Variants in LRMDA observed in about 807,000 individuals in gnomAD.
The protein encoded by LRMDA is leucine-rich melanocyte differentiation-associated protein.
LRMDA carries 18 observed loss-of-function variants against 29.8 expected under a neutral mutation model. That is an observed-to-expected ratio of 0.60 (90% confidence interval 0.42 to 0.90). LRMDA has a LOEUF of 0.90. LRMDA is among the 40% of genes least tolerant of loss of function. The pLI is 0.00. For synonymous variants in LRMDA, 125 were observed against 109.4 expected (o/e 1.14, Z -0.89); for missense variants, 273 against 273.9 (o/e 1.00, Z 0.02).
At chr10:76,507,601 T>C (rs1842971783) in intron 6 of LRMDA, among the ~76,000 whole-genome samples, 1 of 152,152 alleles carries the variant, frequency 6.6e-6, no homozygotes, top group Non-Finnish European at 1.5e-5. Context: ...TTCCTCATTG[T>C]TTTCCCCTAG....
At chr10:75,984,339 G>T (rs536955878) in intron 2 of LRMDA, among the ~76,000 whole-genome samples, 2 of 152,290 alleles carry the variant, frequency 1.3e-5, no homozygotes, top group Admixed American at 1.3e-4. Flanking sequence ...TCAGGCCTAC[G>T]CAGAGCTTCC....
intron 2 of LRMDA, among the ~76,000 whole-genome samples, chr10:75,912,498 C>T (rs1845858745): frequency 6.6e-6 from 1 of 152,144 alleles, no homozygotes; most frequent in African/African-American, 2.4e-5. Flanking sequence ...AAGGGCATTC[C>T]AGGCTGAGAG....
intron 5 of LRMDA, among the ~76,000 whole-genome samples, chr10:76,231,103 T>C (rs1852050360): frequency 6.6e-6 from 1 of 151,640 alleles, no homozygotes; most frequent in Non-Finnish European, 1.5e-5. Flanking sequence ...GGCATGCAAA[T>C]TGAAGTGCTT....
At chr10:76,549,931 A>T (rs1344597093) in intron 6 of LRMDA, among the ~76,000 whole-genome samples, 1 of 152,242 alleles carries the variant, frequency 6.6e-6, no homozygotes, top group East Asian at 1.9e-4. Flanking sequence ...GTTTAAGAGC[A>T]GACTCAAGTC....
chr10:75,901,929 T>G (rs1845680638), intron 2 of LRMDA, among the ~76,000 whole-genome samples: 2 of 152,192 alleles, frequency 1.3e-5, no homozygotes, highest in African/African-American at 4.8e-5. Flanking sequence ...TAATTGTGTT[T>G]TCTCATACTG....
intron 5 of LRMDA, among the ~76,000 whole-genome samples, chr10:76,220,739 G>C (rs1021478665): frequency 2.0e-4 from 31 of 152,158 alleles, no homozygotes; most frequent in Non-Finnish European, 2.6e-4. Context: ...CCAATCAATA[G>C]AAAAAGAGGG....
At chr10:75,450,584 G>GA (rs571729995) in intron 2 of LRMDA, 22 of 152,340 alleles carry the variant, frequency 1.4e-4, no homozygotes, top group African/African-American at 4.8e-4. Flanking sequence ...CCTGCAGCTG[G>GA]AGAAGTGTTT....
chr10:75,597,597 A>G lies in LRMDA; in HGVS notation c.131+159103A>G, dbSNP rs1021343842. ...TGGCGTAGCAGGTGGTGTGACTTTC[A>G]TATCAGTCTAAAATGAAACTGTGGG... is the stretch of plus-strand genomic sequence containing the variant. On this transcript the variant is annotated intron_variant, in intron 2 of 6. Coordinates refer to ENST00000611255, the MANE Select transcript of LRMDA (RefSeq NM_001305581.2). Among the ~76,000 whole-genome samples the G allele has an allele frequency of 3.9e-5, 6 of 152,206 alleles. No homozygotes were observed. The East Asian group carries it at 9.6e-4, about 24-fold the overall frequency.
At chr10:75,655,390 C>A (rs1841655469) in intron 2 of LRMDA, among the ~76,000 whole-genome samples, 1 of 152,260 alleles carries the variant, frequency 6.6e-6, no homozygotes, top group Admixed American at 6.5e-5. Flanking sequence ...TGGAGGTTGA[C>A]CATCCTGTTG....
chr10:75,689,701 C>A (rs1302120093), intron 2 of LRMDA, among the ~76,000 whole-genome samples: 1 of 152,282 alleles, frequency 6.6e-6, no homozygotes, highest in South Asian at 2.1e-4. Context: ...TTGCTGGGGC[C>A]CTTTCTGAAA....
chr10:76,026,476 A>G (rs971267545), intron 2 of LRMDA, among the ~76,000 whole-genome samples: 1 of 152,222 alleles, frequency 6.6e-6, no homozygotes, highest in African/African-American at 2.4e-5. Context: ...CTATGAGTCT[A>G]TAAGAAGACT....
At chr10:75,868,761 C>T (rs1028228505) in intron 2 of LRMDA, among the ~76,000 whole-genome samples, 3 of 152,086 alleles carry the variant, frequency 2.0e-5, no homozygotes, top group African/African-American at 7.2e-5. Context: ...TCCCACTGCT[C>T]AGAAAGCCCC....
At chr10:76,313,306 T>G (rs1308303034) in intron 5 of LRMDA, among the ~76,000 whole-genome samples, 1 of 152,214 alleles carries the variant, frequency 6.6e-6, no homozygotes. Context: ...AAGTAAGTAC[T>G]AATTAAAAAT....
intron 2 of LRMDA, among the ~76,000 whole-genome samples, chr10:75,778,683 T>C (rs1429482393): frequency 6.6e-6 from 1 of 152,170 alleles, no homozygotes; most frequent in African/African-American, 2.4e-5. Flanking sequence ...TGAACTCTCA[T>C]GAAATATTTA....
Position 76,204,795 on chromosome 10 carries a change from C to T in LRMDA, c.517-119606C>T, listed in dbSNP as rs554643446. Among the ~76,000 whole-genome samples the T allele has an allele frequency of 1.1e-4, 17 of 152,252 alleles. No homozygotes were observed. The South Asian group carries it at 2.3e-3, about 20-fold the overall frequency. On this transcript the variant is annotated intron_variant, in intron 5 of 6. Coordinates refer to ENST00000611255, the MANE Select transcript of LRMDA (RefSeq NM_001305581.2). ...GAAAGAAATAGGGTTATTTCCTTTCCGGAAGAATGTTATTTGAGCTGCCAT... is the reference window on the plus strand; with the variant it reads ...GAAAGAAATAGGGTTATTTCCTTTCTGGAAGAATGTTATTTGAGCTGCCAT...
At chr10:76,009,714 C>T (rs12784139) in intron 2 of LRMDA, among the ~76,000 whole-genome samples, 49,646 of 152,070 alleles carry the variant, frequency 0.33, 9,495 homozygotes, top group Non-Finnish European at 0.43. Flanking sequence ...AGACTGGTTG[C>T]TATCCAGGTT....
At chr10:76,477,182 T>C (rs981278930) in intron 6 of LRMDA, among the ~76,000 whole-genome samples, 5 of 152,086 alleles carry the variant, frequency 3.3e-5, no homozygotes, top group South Asian at 2.1e-4. Context: ...CTCCTTAAGC[T>C]GATAAGCAAC....
chr10:76,080,985 G>A (rs945768187), intron 5 of LRMDA, among the ~76,000 whole-genome samples: 5 of 152,166 alleles, frequency 3.3e-5, no homozygotes, highest in Admixed American at 6.5e-5. Flanking sequence ...TGGGAAGCAC[G>A]GCTGTAACAG....
chr10:75,736,334 C>A (rs558374903), intron 2 of LRMDA, among the ~76,000 whole-genome samples: 1 of 152,274 alleles, frequency 6.6e-6, no homozygotes, highest in Non-Finnish European at 1.5e-5. Flanking sequence ...GTGCTCAGAT[C>A]TCTGTGTAGT....
Sources: allele counts gnomAD v4.1 joint callset (sites outside exome capture counted in the v4.1 genomes callset), GRCh38; gene constraint gnomAD v4.1.1; transcripts MANE v1.5; gene names NCBI Gene and HGNC (gene_info 2026-07-23, HGNC 2026-07-21).